WHRN: variants seen among roughly 807,000 people sequenced by gnomAD.
WHRN encodes the protein whirlin.
WHRN carries 41 observed loss-of-function variants against 68.3 expected under a neutral mutation model. The observed-to-expected ratio is 0.60, with a 90% CI of 0.47 to 0.78. WHRN has a LOEUF of 0.78. Ranked by LOEUF, WHRN falls within the 30% of genes least tolerant of loss-of-function variation. The pLI, the probability that WHRN is intolerant of heterozygous loss-of-function variation, is 0.00. For synonymous variants in WHRN, 560 were observed against 561.3 expected, an observed-to-expected ratio of 1.00 and a Z score of 0.03; for missense variants, 1,243 against 1,244.7, an observed-to-expected ratio of 1.00 and a Z score of 0.02.
chr9:114,487,982 C>T (rs1188299533), intron 1 of WHRN, among the ~76,000 whole-genome samples: 1 of 152,204 alleles, frequency 6.6e-6, no homozygotes, highest in Non-Finnish European at 1.5e-5. Context: ...CATCTGGGGG[C>T]TAAATCTTGG....
At chr9:114,471,380 G>C (rs1245744854) in intron 2 of WHRN, among the ~76,000 whole-genome samples, 1 of 152,064 alleles carries the variant, frequency 6.6e-6, no homozygotes, top group East Asian at 1.9e-4. Context: ...CTCTCACTGA[G>C]GGATGAAATG....
chr9:114,464,443 G>A (rs903244187), intron 3 of WHRN, among the ~76,000 whole-genome samples: 1 of 152,038 alleles, frequency 6.6e-6, no homozygotes, highest in Admixed American at 6.5e-5. Flanking sequence ...CATAGACTGT[G>A]CCTTCTTACT....
chr9:114,422,784 A>G (rs575253953), intron 7 of WHRN, among the ~76,000 whole-genome samples: 4 of 152,334 alleles, frequency 2.6e-5, no homozygotes, highest in South Asian at 2.1e-4. Flanking sequence ...GCAGTGAGCC[A>G]AGATTGCACC....
intron 8 of WHRN, among the ~76,000 whole-genome samples, chr9:114,407,738 C>T (rs1189433800): frequency 1.3e-5 from 2 of 152,168 alleles, no homozygotes; most frequent in Non-Finnish European, 2.9e-5. Flanking sequence ...CTGAAGTCAC[C>T]AGAGGCAAGT....
chr9:114,503,312 A>C, intron 1 of WHRN: 1 of 558,356 alleles, frequency 1.8e-6, no homozygotes, highest in Non-Finnish European at 2.3e-6. Context: ...CAAACTCTTC[A>C]CTTCTTGTAC....
chr9:114,504,939 A>G lies in WHRN; in HGVS notation c.-138T>C. ...GAGCCTGGGTTTGGGGAGCACGGGT[A>G]CAGTGGCTGGATCCTAGGGGGTCGC... is the stretch of plus-strand genomic sequence containing the variant. On this transcript the variant is annotated 5_prime_UTR_variant, in exon 1 of 12. Transcript: ENST00000362057. 8.1e-7 allele frequency: 1 copy of G among 1,238,732 alleles called. No individual in the cohort carries two copies. Among genetic ancestry groups the G allele is most frequent in the Non-Finnish European group, 1.0e-6 (1 of 970,552 alleles). The allele number at this position is 1,238,732 out of a possible 1,614,324, so 76.7% of individuals were successfully genotyped here. A position where few individuals can be genotyped will look rare whatever the true frequency, so the allele number is the denominator to read the frequency against.
chr9:114,412,124 G>A (rs557649345), intron 7 of WHRN, among the ~76,000 whole-genome samples: 32 of 152,280 alleles, frequency 2.1e-4, no homozygotes, highest in East Asian at 9.7e-4. Context: ...CAGACGGGTC[G>A]GAGCCCAGCC....
intron 3 of WHRN, among the ~76,000 whole-genome samples, chr9:114,449,356 G>C (rs1344129408): frequency 6.6e-6 from 1 of 152,234 alleles, no homozygotes; most frequent in African/African-American, 2.4e-5. Flanking sequence ...CTGGTGGACA[G>C]AATGGTTCAC....
chr9:114,478,813 CG>C (rs760590763), intron 1 of WHRN, 42 bp from the exon 2 acceptor site: 4 of 1,575,610 alleles, frequency 2.5e-6, no homozygotes, highest in South Asian at 2.3e-5. Context: ...AGGGAGGTGC[CG>C]GGGGTGTGGA....
chr9:114,504,427 G>T lies in WHRN; in HGVS notation c.375C>A (p.Pro125=). Residue 125 remains proline (P), a synonymous_variant, in exon 1 of 12, where the codon CCC becomes CCA. Transcript: ENST00000362057. ...YLPATTPYRQ[P]AWGGPDSAGP... ...CCGCGCTGTCGGGGCCGCCCCAGGC[G>T]GGCTGCCTGTAGGGGGTGGTGGCGG... 1.9e-6 allele frequency: 3 copies of T among 1,606,618 alleles called. No homozygotes were observed. Among genetic ancestry groups the T allele is most frequent in the Non-Finnish European group, 2.5e-6 (3 of 1,179,500 alleles).
chr9:114,408,133 T>C, intron 7 of WHRN, 115 bp from the exon 8 acceptor site: 1 of 835,796 alleles, frequency 1.2e-6, no homozygotes. Context: ...GTGGTTCATG[T>C]GAGCCCTGAC....
intron 1 of WHRN, chr9:114,503,311 C>T (rs2296261): frequency 0.046 from 27,084 of 591,936 alleles, 1,023 homozygotes; most frequent in East Asian, 0.23. Flanking sequence ...CCAAACTCTT[C>T]ACTTCTTGTA....
rs762486540 is a variant in WHRN, at chr9:114,425,042, C to T, written c.1167-18G>A. ...CAAGAAACCTGTGGGGAAAGACACA[C>T]ATCTCCAGTTGTGCATTTGAGCAGA... On this transcript the variant is annotated intron_variant, in intron 4 of 11. Transcript: ENST00000362057. 6.8e-6 allele frequency: 11 copies of T among 1,614,002 alleles called. No individual in the cohort carries two copies. The highest frequency in any genetic ancestry group is 8.5e-6 in the Non-Finnish European group (10 of 1,179,970).
At chr9:114,457,171 C>T (rs1045615977) in intron 3 of WHRN, among the ~76,000 whole-genome samples, 2 of 152,158 alleles carry the variant, frequency 1.3e-5, no homozygotes, top group Non-Finnish European at 2.9e-5. Flanking sequence ...AAAATGGGTA[C>T]ACCTAGCACC....
chr9:114,441,013 T>C (rs1328740392), intron 3 of WHRN, among the ~76,000 whole-genome samples: 14 of 152,146 alleles, frequency 9.2e-5, no homozygotes, highest in African/African-American at 2.4e-4. Flanking sequence ...CAGATTGAGG[T>C]CTGCAGCTAC....
intron 1 of WHRN, among the ~76,000 whole-genome samples, chr9:114,502,864 A>C (rs1456838327): frequency 6.6e-6 from 1 of 152,242 alleles, no homozygotes; most frequent in Non-Finnish European, 1.5e-5. Flanking sequence ...CTTTATAAAT[A>C]TATGGAATGC....
intron 3 of WHRN, among the ~76,000 whole-genome samples, chr9:114,434,441 C>A (rs1476879603): frequency 6.6e-6 from 1 of 152,200 alleles, no homozygotes; most frequent in African/African-American, 2.4e-5. Flanking sequence ...CCCAGTCACA[C>A]AAGTTCCACT....
intron 1 of WHRN, among the ~76,000 whole-genome samples, chr9:114,501,326 C>T (rs1239019066): frequency 6.6e-6 from 1 of 152,148 alleles, no homozygotes; most frequent in East Asian, 1.9e-4. Context: ...CTGGACCTGT[C>T]ACTGCTGATT....
At chr9:114,483,042 C>G (rs1242020994) in intron 1 of WHRN, among the ~76,000 whole-genome samples, 2 of 152,224 alleles carry the variant, frequency 1.3e-5, no homozygotes, top group African/African-American at 4.8e-5. Flanking sequence ...TTCCCCATCA[C>G]AGGACTCTGA....
Sources: gnomAD v4.1 joint callset for allele counts (sites outside exome capture counted in the v4.1 genomes callset) on GRCh38, gnomAD v4.1.1 for gene constraint, MANE v1.5 for transcripts, NCBI Gene and HGNC (gene_info 2026-07-23, HGNC 2026-07-21) for gene names.